The following HUWE1 variants were observed in gnomAD, a reference collection of about 807,000 sequenced individuals.
The protein encoded by HUWE1 is E3 ubiquitin-protein ligase HUWE1.
Under a neutral mutation model 299.4 loss-of-function variants are expected in HUWE1, and 18 were observed. The observed-to-expected ratio is 0.06, with a 90% CI of 0.04 to 0.09. HUWE1 has a LOEUF of 0.09. Among genes scored for constraint, HUWE1 ranks in the 10% least tolerant of loss-of-function variants. HUWE1 has a pLI of 1.00. For synonymous variants in HUWE1, 1,317 were observed against 1,286.1 expected (o/e 1.02, Z -0.51); for missense variants, 1,832 against 3,462.3 (o/e 0.53, Z 11.82).
intron 3 of HUWE1, among the ~76,000 whole-genome samples, chrX:53,670,557 G>A (rs1477606533): frequency 9.0e-6 from 1 of 111,564 alleles, no homozygotes; most frequent in Non-Finnish European, 1.9e-5. Flanking sequence ...TAGAGGGAGA[G>A]ATCTGAATTC....
chrX:53,600,395 T>C (rs899346405), intron 28 of HUWE1, 86 bp from the exon 29 acceptor site: 13 of 713,096 alleles, frequency 1.8e-5, no homozygotes, highest in African/African-American at 1.5e-4. Context: ...AGATTACCTA[T>C]GGTTTTTGTT....
chrX:53,588,626 C>T, intron 36 of HUWE1, 92 bp from the exon 37 acceptor site: 1 of 846,018 alleles, frequency 1.2e-6, no homozygotes. Flanking sequence ...ACTCCCTCTG[C>T]CTCCAACACA....
In HUWE1 at chrX:53,585,202, T is replaced by C; in HGVS notation, c.4825-14A>G. 8.3e-7 allele frequency: 1 copy of C among 1,208,517 alleles called. No homozygotes were observed. The highest frequency in any genetic ancestry group is 1.1e-6 in the Non-Finnish European group (1 of 892,409). On this transcript the variant is annotated splice_polypyrimidine_tract_variant and intron_variant, in intron 39 of 83. Transcript: ENST00000262854. ...GGATTGCAGGTACTAAACATAAAAG[T>C]ACAAAGTTTCTTTGTATTTCTTTCA...
intron 77 of HUWE1, 103 bp from the exon 78 acceptor site, chrX:53,537,799 A>G: frequency 2.4e-6 from 2 of 845,699 alleles, no homozygotes; most frequent in Non-Finnish European, 3.4e-6. Flanking sequence ...TCTATCCTCC[A>G]AACACTTTGA....
intron 47 of HUWE1, among the ~76,000 whole-genome samples, chrX:53,571,990 CA>C (rs1267001096): frequency 1.8e-5 from 2 of 111,928 alleles, no homozygotes. Context: ...TATATATATT[CA>C]TAAGAATGCT....
At chrX:53,645,185 A>T in intron 7 of HUWE1, 126 bp downstream of exon 7, 1 of 650,784 alleles carries the variant, frequency 1.5e-6, no homozygotes, top group Non-Finnish European at 2.5e-6. Context: ...CAATAGTTCT[A>T]ACTCAATTAG....
At chrX:53,679,820 G>A (rs1249042462) in intron 3 of HUWE1, among the ~76,000 whole-genome samples, 3 of 111,194 alleles carry the variant, frequency 2.7e-5, no homozygotes, top group Admixed American at 9.5e-5. Context: ...TTTGAACGAT[G>A]CCTAGGGTGA....
chrX:53,555,365 G>T (rs782478295), intron 60 of HUWE1, among the ~76,000 whole-genome samples: 1 of 111,521 alleles, frequency 9.0e-6, no homozygotes, highest in Admixed American at 9.5e-5. Flanking sequence ...TCTCACTGTT[G>T]CCCAGGCTGG....
At chrX:53,546,632 G>T in intron 69 of HUWE1, 40 bp from the exon 70 acceptor site, 1 of 1,208,953 alleles carries the variant, frequency 8.3e-7, no homozygotes, top group Admixed American at 2.2e-5. Context: ...CCCAGCCTGA[G>T]AACAAAATCA....
chrX:53,565,412 C>T (rs1179865047), intron 49 of HUWE1, among the ~76,000 whole-genome samples, 173 bp from the exon 50 acceptor site: 2 of 111,523 alleles, frequency 1.8e-5, no homozygotes, highest in African/African-American at 6.5e-5. Flanking sequence ...TAAATGTCTT[C>T]AAGGAACCCA....
At chrX:53,635,212 A>G (rs985596158) in intron 7 of HUWE1, among the ~76,000 whole-genome samples, 1 of 109,986 alleles carries the variant, frequency 9.1e-6, no homozygotes, top group Non-Finnish European at 1.9e-5. Context: ...CATTTCATAT[A>G]AAAAGATATT....
At chrX:53,562,557 T>C (rs1556942274) in intron 53 of HUWE1, among the ~76,000 whole-genome samples, 1 of 111,465 alleles carries the variant, frequency 9.0e-6, no homozygotes, top group African/African-American at 3.3e-5. Flanking sequence ...TGCTATTGAC[T>C]ATATCCTGTT....
intron 68 of HUWE1, 22 bp downstream of exon 68, chrX:53,547,651 C>G (rs782246090): frequency 8.3e-7 from 1 of 1,209,024 alleles, no homozygotes; most frequent in Non-Finnish European, 1.1e-6. Context: ...CCCCACAGCT[C>G]CCAGTCTACA....
intron 41 of HUWE1, 59 bp from the exon 42 acceptor site, chrX:53,583,975 C>T (rs2063743615): frequency 1.0e-5 from 10 of 963,822 alleles, no homozygotes; most frequent in South Asian, 6.0e-5. Flanking sequence ...TTTCCTCCCA[C>T]GCCTCCCTCC....
intron 23 of HUWE1, among the ~76,000 whole-genome samples, chrX:53,609,463 G>C (rs1051991920): frequency 8.9e-6 from 1 of 112,070 alleles, no homozygotes; most frequent in African/African-American, 3.2e-5. Context: ...TTAGTTCAAA[G>C]ATTCATACAC....
In HUWE1 at chrX:53,588,442, G is replaced by A. The variant is rs1556975327; in HGVS notation, c.4554C>T (p.Ala1518=). 1.7e-6 allele frequency: 2 copies of A among 1,209,404 alleles called. No homozygotes were observed. The highest frequency in any genetic ancestry group is 2.2e-6 in the Non-Finnish European group (2 of 894,107). The change falls in exon 37 of 84, where the codon GCC becomes GCT. Residue 1518 remains alanine (A), a synonymous_variant. Coordinates refer to ENST00000262854, the MANE Select transcript of HUWE1 (RefSeq NM_031407.7). ...CCAAATTGGAGGCCTGGGGCAGTGT[G>A]GCCATCTGACTTATCCACTCTGACA... is the stretch of plus-strand genomic sequence containing the variant. The part of the protein sequence containing the change: ...KTVSEWISQM[A]TLPQASNLAT...
At chrX:53,577,290 G>A (rs1348589753) in intron 43 of HUWE1, among the ~76,000 whole-genome samples, 4 of 110,033 alleles carry the variant, frequency 3.6e-5, no homozygotes, top group Non-Finnish European at 5.7e-5. Context: ...TTGAGTTAGA[G>A]AAAACTGGTT....
At chrX:53,671,832 T>C (rs781917533) in intron 3 of HUWE1, among the ~76,000 whole-genome samples, 5 of 83,874 alleles carry the variant, frequency 6.0e-5, no homozygotes, top group African/African-American at 2.2e-4. Context: ...GAAGTATACA[T>C]AATGACAGAG....
intron 73 of HUWE1, 162 bp downstream of exon 73, chrX:53,543,667 CCAATCAACAAAT>C (rs1760140925): frequency 1.4e-6 from 1 of 730,337 alleles, no homozygotes; most frequent in Admixed American, 3.0e-5. Flanking sequence ...AACCAACAAA[CCAATCAACAAAT>C]AGGAAAACAC....
Sources: gnomAD v4.1 joint callset for allele counts (sites outside exome capture counted in the v4.1 genomes callset) on GRCh38, gnomAD v4.1.1 for gene constraint, MANE v1.5 for transcripts, NCBI Gene and HGNC (gene_info 2026-07-23, HGNC 2026-07-21) for gene names.